VPS36: variants seen among roughly 807,000 people sequenced by gnomAD.
VPS36 encodes the protein vacuolar protein-sorting-associated protein 36.
VPS36 carries 31 observed loss-of-function variants against 63.5 expected under a neutral mutation model. The observed-to-expected ratio is 0.49, with a 90% CI of 0.37 to 0.66. The LOEUF (loss-of-function observed/expected upper bound fraction) is 0.66. VPS36 is among the 30% of genes least tolerant of loss of function. The pLI is 0.00. For synonymous variants in VPS36, 138 were observed against 157.2 expected (o/e 0.88, Z 0.91); for missense variants, 338 against 463.7 (o/e 0.73, Z 2.49).
intron 9 of VPS36, 45 bp from the exon 10 acceptor site, chr13:52,423,684 C>G (rs780300640): frequency 6.8e-7 from 1 of 1,473,238 alleles, no homozygotes; most frequent in East Asian, 2.3e-5. Flanking sequence ...GTTACAATTA[C>G]ACCAGTTAGC....
At chr13:52,438,415 T>C (rs541478809) in intron 3 of VPS36, among the ~76,000 whole-genome samples, 2 of 152,354 alleles carry the variant, frequency 1.3e-5, no homozygotes, top group South Asian at 2.1e-4. Context: ...ATGCATTGCA[T>C]GTCCAGTGAA....
At chr13:52,425,160 G>A (rs1958087997) in intron 9 of VPS36, among the ~76,000 whole-genome samples, 1 of 151,424 alleles carries the variant, frequency 6.6e-6, no homozygotes, top group African/African-American at 2.4e-5. Context: ...GGCTGAGGCA[G>A]GAGAATGGTG....
At chr13:52,421,283 C>G (rs752027962) in intron 10 of VPS36, among the ~76,000 whole-genome samples, 2 of 152,000 alleles carry the variant, frequency 1.3e-5, no homozygotes, top group Non-Finnish European at 2.9e-5. Context: ...AGACAAACAC[C>G]ACTTGATCTC....
At chr13:52,430,104 A>T (rs1381332431) in intron 6 of VPS36, among the ~76,000 whole-genome samples, 1 of 152,176 alleles carries the variant, frequency 6.6e-6, no homozygotes, top group Non-Finnish European at 1.5e-5. Flanking sequence ...GGACTCAGGA[A>T]AGAATTAAAA....
chr13:52,428,416 A>C (rs1476173833), intron 6 of VPS36, among the ~76,000 whole-genome samples: 1 of 152,214 alleles, frequency 6.6e-6, no homozygotes, highest in East Asian at 1.9e-4. Flanking sequence ...CCCCATCTGC[A>C]AAAGGATTTT....
intron 10 of VPS36, among the ~76,000 whole-genome samples, chr13:52,418,435 C>T (rs138893048): frequency 0.017 from 2,639 of 151,526 alleles, 76 homozygotes; most frequent in African/African-American, 0.059. Context: ...ATTAGCCGGG[C>T]GCGGTGGCGG....
At position 52,416,994 on chromosome 13, in the gene VPS36, G is replaced by A. The variant is rs1270525148; in HGVS notation, c.990+63C>T. On this transcript the variant is annotated intron_variant, in intron 12 of 13. Coordinates refer to ENST00000378060, the MANE Select transcript of VPS36 (RefSeq NM_016075.4). Reference sequence around the variant, plus strand: ...TTCAAAAGGAAATCCTGTTTTTTGAGTTGCTAAGCCTTCGGGTCTTCATAG... The same window carrying A: ...TTCAAAAGGAAATCCTGTTTTTTGAATTGCTAAGCCTTCGGGTCTTCATAG... 3.7e-5 allele frequency: 51 copies of A among 1,366,036 alleles called. No individual in the cohort carries two copies. In the South Asian group the frequency reaches 6.2e-4, roughly 17 times the overall value. 84.6% of individuals were successfully genotyped at this position (1,366,036 alleles called of 1,614,324 possible). A position where few individuals can be genotyped will look rare whatever the true frequency, so the allele number is the denominator to read the frequency against.
chr13:52,427,314 T>A, intron 6 of VPS36, 95 bp from the exon 7 acceptor site: 2 of 1,443,994 alleles, frequency 1.4e-6, no homozygotes, highest in South Asian at 2.4e-5. Context: ...CATAAAAATT[T>A]GAAATTTTCA....
intron 11 of VPS36, 63 bp from the exon 12 acceptor site, chr13:52,417,204 G>A (rs1958002423): frequency 7.0e-7 from 1 of 1,430,834 alleles, no homozygotes. Context: ...TGCTGAAAAG[G>A]AGGACATCTT....
rs1957978159 is a variant in VPS36, at chr13:52,414,685, T to C, written c.*1145A>G. On this transcript the variant is annotated 3_prime_UTR_variant, in exon 14 of 14. Coordinates refer to ENST00000378060, the MANE Select transcript of VPS36 (RefSeq NM_016075.4). Reference sequence around the variant, plus strand: ...TACAATACTTTCCCTCCCGCAGGCTTGGCCAAAACCATCACCACCCTTTCA... The same window carrying C: ...TACAATACTTTCCCTCCCGCAGGCTCGGCCAAAACCATCACCACCCTTTCA... 1 of 152,276 alleles carries C rather than the reference T, an allele frequency of 6.6e-6. No individual in the cohort carries two copies. The allele number at this position is 152,276 out of a possible 1,614,324, so 9.4% of individuals were successfully genotyped here.
chr13:52,415,309 A>C lies in VPS36; in HGVS notation c.*521T>G, dbSNP rs1957983561. ...TATATAAATATATGTGTCAAATAAA[A>C]TTATTTCATTTTTAAAGGTATTTTA... is the stretch of plus-strand genomic sequence containing the variant. On this transcript the variant is annotated 3_prime_UTR_variant, in exon 14 of 14. Coordinates refer to ENST00000378060, the MANE Select transcript of VPS36 (RefSeq NM_016075.4). 1 of 152,222 alleles carries C rather than the reference A, an allele frequency of 6.6e-6. No individual in the cohort carries two copies. The highest frequency in any genetic ancestry group is 1.9e-4 in the East Asian group (1 of 5,198). 9.4% of individuals were successfully genotyped at this position (152,222 alleles called of 1,614,324 possible).
intron 1 of VPS36, among the ~76,000 whole-genome samples, chr13:52,447,756 G>A (rs1463549548): frequency 6.6e-6 from 1 of 151,566 alleles, no homozygotes; most frequent in Non-Finnish European, 1.5e-5. Context: ...TATCAAGGGT[G>A]ACACCGGTGA....
At chr13:52,432,739 T>C (rs1958172450) in intron 6 of VPS36, among the ~76,000 whole-genome samples, 1 of 152,084 alleles carries the variant, frequency 6.6e-6, no homozygotes, top group African/African-American at 2.4e-5. Context: ...TTGGGGAAAA[T>C]ACAGGGTTGA....
chr13:52,419,772 T>C (rs1594112385), intron 10 of VPS36, among the ~76,000 whole-genome samples: 1 of 152,158 alleles, frequency 6.6e-6, no homozygotes, highest in Non-Finnish European at 1.5e-5. Context: ...CATTGTTTAG[T>C]GAAGTAAGCT....
At chr13:52,429,836 C>G (rs1958137844) in intron 6 of VPS36, among the ~76,000 whole-genome samples, 1 of 151,852 alleles carries the variant, frequency 6.6e-6, no homozygotes, top group Admixed American at 6.6e-5. Flanking sequence ...AGGATCTAGG[C>G]AGGAGAAAGA....
chr13:52,413,554 C>T lies in VPS36; in HGVS notation c.*2276G>A, dbSNP rs998484247. On this transcript the variant is annotated 3_prime_UTR_variant, in exon 14 of 14. Coordinates refer to ENST00000378060, the MANE Select transcript of VPS36 (RefSeq NM_016075.4). ...TAATTTTACTCTATATACATTGATA[C>T]CAATCATTTAACCCTGAAAACACAG... 1.3e-5 allele frequency: 2 copies of T among 151,988 alleles called. No homozygotes were observed. Among genetic ancestry groups the T allele is most frequent in the African/African-American group, 2.4e-5 (1 of 41,368 alleles). 9.4% of individuals were successfully genotyped at this position (151,988 alleles called of 1,614,324 possible). A position where few individuals can be genotyped will look rare whatever the true frequency, so the allele number is the denominator to read the frequency against.
At chr13:52,422,647 T>C (rs1051124201) in intron 10 of VPS36, among the ~76,000 whole-genome samples, 1 of 152,354 alleles carries the variant, frequency 6.6e-6, no homozygotes, top group Middle Eastern at 3.4e-3. Context: ...AGTGAGAATA[T>C]GGGTATTTGG....
rs144819821 is a variant in VPS36 at position 52,443,786 on chromosome 13, A to C, written c.97-1341T>G. Among the ~76,000 whole-genome samples the C allele has an allele frequency of 6.6e-3, 1,012 of 152,322 alleles. 5 individuals are homozygous for C. The highest frequency in any genetic ancestry group is 0.015 in the South Asian group (70 of 4,826). Reference sequence around the variant, plus strand: ...CTTCAGGACCAAAACTTTAACCCTTACTACTTGTTATTATGCCCTGAAAGT... The same window carrying C: ...CTTCAGGACCAAAACTTTAACCCTTCCTACTTGTTATTATGCCCTGAAAGT... On this transcript the variant is annotated intron_variant, in intron 1 of 13. Transcript: ENST00000378060.
At chr13:52,442,940 C>T (rs891823586) in intron 1 of VPS36, among the ~76,000 whole-genome samples, 1 of 152,126 alleles carries the variant, frequency 6.6e-6, no homozygotes, top group Non-Finnish European at 1.5e-5. Flanking sequence ...CTCTTTTGTA[C>T]CTCTACACTT....
Sources: gnomAD v4.1 joint callset for allele counts (sites outside exome capture counted in the v4.1 genomes callset) on GRCh38, gnomAD v4.1.1 for gene constraint, MANE v1.5 for transcripts, NCBI Gene and HGNC (gene_info 2026-07-23, HGNC 2026-07-21) for gene names.